The following TYW1B variants were observed in gnomAD, a reference collection of about 807,000 sequenced individuals.
TYW1B encodes tRNA-yW synthesizing protein 1 homolog B.
TYW1B carries 73 observed loss-of-function variants against 86.9 expected under a neutral mutation model. The ratio of observed to expected loss-of-function variants is 0.84; its 90% CI spans 0.70 to 1.02. TYW1B has a LOEUF of 1.02. Ranked by LOEUF, TYW1B falls within the 50% of genes least tolerant of loss-of-function variation. TYW1B has a pLI of 0.00. For synonymous variants in TYW1B, 248 were observed against 292.8 expected (o/e 0.85, Z 1.56); for missense variants, 637 against 827.4 (o/e 0.77, Z 2.82).
chr7:72,746,821 A>G (rs1159297120), intron 7 of TYW1B, among the ~76,000 whole-genome samples: 4 of 152,166 alleles, frequency 2.6e-5, no homozygotes, highest in African/African-American at 9.7e-5. Context: ...TCCAATACTG[A>G]AGGACTAAAA....
intron 6 of TYW1B, among the ~76,000 whole-genome samples, chr7:72,796,920 CA>C: frequency 6.7e-6 from 1 of 148,816 alleles, no homozygotes; most frequent in African/African-American, 2.5e-5. Context: ...TCTCCCGCCT[CA>C]GCCTCCTGAG....
intron 7 of TYW1B, among the ~76,000 whole-genome samples, chr7:72,772,723 A>G (rs1310125666): frequency 1.3e-5 from 2 of 152,186 alleles, no homozygotes; most frequent in Non-Finnish European, 2.9e-5. Context: ...AATAAGCCAC[A>G]ATTATCATGA....
chr7:72,616,394 G>A (rs1166204820), intron 13 of TYW1B, among the ~76,000 whole-genome samples: 2 of 152,124 alleles, frequency 1.3e-5, no homozygotes, highest in African/African-American at 2.4e-5. Context: ...TATTACAAGG[G>A]CATTTTGCTT....
At chr7:72,583,898 A>G (rs1400573157) in intron 13 of TYW1B, among the ~76,000 whole-genome samples, 1 of 152,270 alleles carries the variant, frequency 6.6e-6, no homozygotes, top group African/African-American at 2.4e-5. Context: ...CTCAGGAAGT[A>G]GAAGGGCCAA....
At chr7:72,640,837 C>T (rs114468970) in intron 11 of TYW1B, among the ~76,000 whole-genome samples, 1,917 of 152,056 alleles carry the variant, frequency 0.013, 35 homozygotes, top group African/African-American at 0.043. Context: ...AACATATGAA[C>T]GACATGATTA....
At chr7:72,738,374 C>T (rs1328003150) in intron 8 of TYW1B, among the ~76,000 whole-genome samples, 1 of 152,210 alleles carries the variant, frequency 6.6e-6, no homozygotes, top group Admixed American at 6.5e-5. Flanking sequence ...TGAGCCACTG[C>T]GCCCGGCCTG....
intron 13 of TYW1B, among the ~76,000 whole-genome samples, chr7:72,614,530 G>A (rs1317177595): frequency 2.0e-5 from 3 of 152,060 alleles, no homozygotes; most frequent in Non-Finnish European, 4.4e-5. Context: ...CTACTCAGGA[G>A]GCTAAGGCAG....
chr7:72,768,920 CT>C, intron 7 of TYW1B: 2 of 355,360 alleles, frequency 5.6e-6, no homozygotes, highest in Non-Finnish European at 1.1e-5. Context: ...CAAACCACCT[CT>C]TGTGGGTTTT....
intron 8 of TYW1B, among the ~76,000 whole-genome samples, chr7:72,732,372 T>C (rs1318926459): frequency 6.6e-6 from 1 of 152,202 alleles, no homozygotes; most frequent in African/African-American, 2.4e-5. Context: ...GGGCAGACCA[T>C]ATTTTAGTCT....
intron 7 of TYW1B, among the ~76,000 whole-genome samples, chr7:72,775,476 C>T (rs181936405): frequency 2.0e-5 from 3 of 152,242 alleles, no homozygotes; most frequent in African/African-American, 7.2e-5. Flanking sequence ...GACTGCTGAA[C>T]TCTAATCAGA....
At chr7:72,722,501 T>G (rs1429395044) in intron 9 of TYW1B, among the ~76,000 whole-genome samples, 1 of 152,192 alleles carries the variant, frequency 6.6e-6, no homozygotes, top group Non-Finnish European at 1.5e-5. Context: ...TGAGTGGCAC[T>G]GAAATTCTGA....
intron 12 of TYW1B, among the ~76,000 whole-genome samples, chr7:72,625,497 C>G (rs553320371): frequency 6.8e-6 from 1 of 147,694 alleles, no homozygotes; most frequent in Non-Finnish European, 1.5e-5. Flanking sequence ...TGGTGGTGTG[C>G]GTCTGTCATC....
chr7:72,805,908 T>C (rs1788485351), intron 5 of TYW1B, among the ~76,000 whole-genome samples: 1 of 152,036 alleles, frequency 6.6e-6, no homozygotes, highest in Non-Finnish European at 1.5e-5. Flanking sequence ...GGCCAAAAGA[T>C]AACAGCTGTG....
At chr7:72,796,552 A>T (rs1788308736) in intron 6 of TYW1B, among the ~76,000 whole-genome samples, 1 of 151,216 alleles carries the variant, frequency 6.6e-6, no homozygotes, top group South Asian at 2.1e-4. Flanking sequence ...TTTTTTTTTT[A>T]ATTTGATGTA....
At chr7:72,744,070 C>T (rs1787352199) in intron 8 of TYW1B, among the ~76,000 whole-genome samples, 1 of 151,818 alleles carries the variant, frequency 6.6e-6, no homozygotes, top group African/African-American at 2.4e-5. Context: ...CCTCCAATAA[C>T]AAGACACCCA....
At chr7:72,669,481 G>C (rs1813543354) in intron 11 of TYW1B, among the ~76,000 whole-genome samples, 1 of 151,982 alleles carries the variant, frequency 6.6e-6, no homozygotes, top group African/African-American at 2.4e-5. Flanking sequence ...AATAGCACTG[G>C]CTGGCCAGGC....
chr7:72,760,978 A>C (rs1787677176), intron 7 of TYW1B, among the ~76,000 whole-genome samples: 1 of 152,204 alleles, frequency 6.6e-6, no homozygotes, highest in Admixed American at 6.6e-5. Context: ...AGGCTATAAA[A>C]ATGATTAATA....
chr7:72,819,277 G>A (rs1554480002), intron 2 of TYW1B, among the ~76,000 whole-genome samples: 2 of 152,164 alleles, frequency 1.3e-5, no homozygotes, highest in Non-Finnish European at 2.9e-5. Context: ...AGGGTTTTAA[G>A]CAGAGGGATG....
intron 13 of TYW1B, among the ~76,000 whole-genome samples, chr7:72,590,021 A>G (rs1811359753): frequency 6.6e-6 from 1 of 152,254 alleles, no homozygotes; most frequent in Admixed American, 6.5e-5. Flanking sequence ...ATAAATTTTA[A>G]AAATATCCAG....
Sources: gnomAD v4.1 joint callset for allele counts (sites outside exome capture counted in the v4.1 genomes callset) on GRCh38, gnomAD v4.1.1 for gene constraint, MANE v1.5 for transcripts, NCBI Gene and HGNC (gene_info 2026-07-23, HGNC 2026-07-21) for gene names.